Variants in ZNF438 observed in about 807,000 individuals in gnomAD.
The protein encoded by ZNF438 is zinc finger protein 438.
ZNF438 carries 25 observed loss-of-function variants against 38.0 expected under a neutral mutation model. The observed-to-expected ratio is 0.66, with a 90% CI of 0.48 to 0.92. The LOEUF (loss-of-function observed/expected upper bound fraction) is 0.92, where lower values mean the gene tolerates loss of function less well. Ranked by LOEUF, ZNF438 falls within the 40% of genes least tolerant of loss-of-function variation. The probability of loss-of-function intolerance (pLI) is 0.00; values close to 1 mark genes in which losing one functional copy is unlikely to be tolerated. For synonymous variants in ZNF438, 372 were observed against 364.1 expected (o/e 1.02, Z -0.25); for missense variants, 1,007 against 999.6 (o/e 1.01, Z -0.10).
At chr10:30,905,492 G>C (rs567011249) in intron 3 of ZNF438, among the ~76,000 whole-genome samples, 16 of 152,254 alleles carry the variant, frequency 1.1e-4, no homozygotes, top group Non-Finnish European at 2.1e-4. Flanking sequence ...CTTTATATAT[G>C]TTGGATGCAG....
intron 2 of ZNF438, among the ~76,000 whole-genome samples, chr10:30,928,759 T>C (rs1417776786): frequency 6.6e-6 from 1 of 152,156 alleles, no homozygotes; most frequent in Non-Finnish European, 1.5e-5. Flanking sequence ...GTAGTTCCAA[T>C]TTTTTCAGAG....
chr10:31,009,242 AGATT>A (rs1334335089), intron 1 of ZNF438, among the ~76,000 whole-genome samples: 1 of 152,216 alleles, frequency 6.6e-6, no homozygotes, highest in Non-Finnish European at 1.5e-5. Context: ...TGCACTAGAT[AGATT>A]GTGTGTTGCT....
chr10:30,975,766 T>A (rs2051269491), intron 1 of ZNF438, among the ~76,000 whole-genome samples: 1 of 152,196 alleles, frequency 6.6e-6, no homozygotes, highest in African/African-American at 2.4e-5. Flanking sequence ...TATCAGAATA[T>A]AATTTTGATG....
chr10:31,013,694 C>G (rs2055937153), intron 1 of ZNF438, among the ~76,000 whole-genome samples: 1 of 152,160 alleles, frequency 6.6e-6, no homozygotes, highest in South Asian at 2.1e-4. Flanking sequence ...CCTTATGGAT[C>G]TGATGCCATC....
At chr10:30,879,045 A>T (rs2038865725) in intron 3 of ZNF438, among the ~76,000 whole-genome samples, 1 of 152,158 alleles carries the variant, frequency 6.6e-6, no homozygotes, top group Non-Finnish European at 1.5e-5. Flanking sequence ...AATACTGGAA[A>T]AGAGAGCTAC....
intron 2 of ZNF438, among the ~76,000 whole-genome samples, chr10:30,928,843 G>A (rs2045282197): frequency 6.6e-6 from 1 of 152,166 alleles, no homozygotes; most frequent in African/African-American, 2.4e-5. Context: ...TGGGAGTTCA[G>A]CTGGTCCTTT....
intron 1 of ZNF438, among the ~76,000 whole-genome samples, chr10:30,987,699 C>T (rs538942599): frequency 5.9e-5 from 9 of 152,180 alleles, no homozygotes; most frequent in Admixed American, 2.6e-4. Flanking sequence ...CACCACCCCC[C>T]ATCCAAGTGC....
intron 1 of ZNF438, among the ~76,000 whole-genome samples, chr10:31,029,118 A>G (rs531195178): frequency 6.6e-6 from 1 of 152,228 alleles, no homozygotes; most frequent in Non-Finnish European, 1.5e-5. Context: ...CAAAGCCACA[A>G]TGCTTAGGTT....
chr10:30,918,963 AGC>A (rs1387182788), intron 2 of ZNF438: 1 of 152,224 alleles, frequency 6.6e-6, no homozygotes, highest in Non-Finnish European at 1.5e-5. Flanking sequence ...GGAGAAGAGC[AGC>A]AAGTATTTAG....
chr10:30,969,279 G>A (rs2050484919), intron 1 of ZNF438, among the ~76,000 whole-genome samples: 1 of 152,090 alleles, frequency 6.6e-6, no homozygotes, highest in Non-Finnish European at 1.5e-5. Flanking sequence ...TTGGCAAAGT[G>A]CCCCCTCCAA....
intron 2 of ZNF438, among the ~76,000 whole-genome samples, chr10:30,917,235 T>A (rs1202449158): frequency 6.6e-6 from 1 of 152,104 alleles, no homozygotes; most frequent in Non-Finnish European, 1.5e-5. Context: ...GTTTATCCAT[T>A]CTCTTACTGA....
At chr10:30,981,444 G>A (rs1216872156) in intron 1 of ZNF438, among the ~76,000 whole-genome samples, 1 of 152,162 alleles carries the variant, frequency 6.6e-6, no homozygotes. Flanking sequence ...ATAGGCACTT[G>A]TTCTGTCCGC....
exon 4 of ZNF438, chr10:30,876,998 C>T: frequency 1.2e-6 from 2 of 1,604,228 alleles, no homozygotes; most frequent in South Asian, 2.3e-5. Flanking sequence ...TTTAACTTAC[C>T]TTCATCTTTT....
intron 2 of ZNF438, among the ~76,000 whole-genome samples, chr10:30,940,614 G>A (rs972513334): frequency 6.6e-6 from 1 of 152,188 alleles, no homozygotes; most frequent in Non-Finnish European, 1.5e-5. Flanking sequence ...TTGAATGCTA[G>A]GCAAACGAAC....
At chr10:30,892,462 T>C (rs2994615) in intron 3 of ZNF438, among the ~76,000 whole-genome samples, 118,675 of 152,042 alleles carry the variant, frequency 0.78, 47,095 homozygotes, top group African/African-American at 0.89. Context: ...AGAAGAGAAA[T>C]CACAAATAAG....
chr10:30,906,414 T>C (rs922329276), intron 3 of ZNF438, among the ~76,000 whole-genome samples: 2 of 152,230 alleles, frequency 1.3e-5, no homozygotes, highest in African/African-American at 4.8e-5. Context: ...TTGATCTTTA[T>C]ATTGATCTTG....
At chr10:30,956,460 T>C (rs895991342) in intron 1 of ZNF438, among the ~76,000 whole-genome samples, 2 of 152,202 alleles carry the variant, frequency 1.3e-5, no homozygotes, top group African/African-American at 2.4e-5. Flanking sequence ...TGAAATATGT[T>C]ATTATTAACT....
intron 1 of ZNF438, among the ~76,000 whole-genome samples, chr10:30,943,461 T>A (rs1336361749): frequency 6.6e-6 from 1 of 151,996 alleles, no homozygotes; most frequent in Non-Finnish European, 1.5e-5. Flanking sequence ...GAGAAAAAAA[T>A]TGCCAGAGAA....
At chr10:30,925,087 G>C (rs1224052235) in intron 2 of ZNF438, among the ~76,000 whole-genome samples, 1 of 152,064 alleles carries the variant, frequency 6.6e-6, no homozygotes, top group Non-Finnish European at 1.5e-5. Context: ...TTTAGCTGTT[G>C]AGTCCTAGGA....
Sources: gnomAD v4.1 joint callset for allele counts (sites outside exome capture counted in the v4.1 genomes callset) on GRCh38, gnomAD v4.1.1 for gene constraint, MANE v1.5 for transcripts, NCBI Gene and HGNC (gene_info 2026-07-23, HGNC 2026-07-21) for gene names.